The following HDAC5 variants were observed in gnomAD, a reference collection of about 807,000 sequenced individuals.
HDAC5 encodes antigen NY-CO-9.
Under a neutral mutation model 133.3 loss-of-function variants are expected in HDAC5, and 25 were observed. That is an observed-to-expected ratio of 0.19 (90% CI 0.14 to 0.26). The LOEUF (loss-of-function observed/expected upper bound fraction) is 0.26. HDAC5 is among the 10% of genes least tolerant of loss of function. The pLI is 1.00. For missense variants in HDAC5, 1,041 were observed against 1,460.5 expected (o/e 0.71, Z 4.68); for synonymous variants, 589 against 610.8 (o/e 0.96, Z 0.53).
chr17:44,115,496 C>G (rs536045225), intron 2 of HDAC5, among the ~76,000 whole-genome samples: 1 of 152,208 alleles, frequency 6.6e-6, no homozygotes, highest in East Asian at 1.9e-4. Context: ...CGCTGGGCAC[C>G]CCAGCCCTAG....
intron 3 of HDAC5, among the ~76,000 whole-genome samples, chr17:44,098,739 TAAA>T (rs374173029): frequency 8.1e-6 from 1 of 123,770 alleles, no homozygotes; most frequent in African/African-American, 3.1e-5. Flanking sequence ...AGACCCTATC[TAAA>T]AAAAAAAAAA....
At position 44,092,710 on chromosome 17, in the gene HDAC5, G is replaced by A. The variant is rs2051016723; in HGVS notation, c.738C>T (p.Tyr246=). Residue 246 remains tyrosine, a synonymous_variant, in exon 7 of 27, where the codon TAC becomes TAT. Transcript: ENST00000682912. ...GGAGGGGGAAGTCGTCTCGACTGTC[G>A]TAGGGCCCAGGCAAAGGCAGTTTGT... ...PSYKLPLPGP[Y]DSRDDFPLRK... 3.3e-6 allele frequency: 5 copies of A among 1,510,062 alleles called. No individual in the cohort carries two copies. The highest frequency in any genetic ancestry group is 2.3e-5 in the Admixed American group (1 of 44,048). 93.5% of individuals were successfully genotyped at this position (1,510,062 alleles called of 1,614,324 possible).
At chr17:44,116,482 G>A (rs1158167190) in intron 2 of HDAC5, among the ~76,000 whole-genome samples, 1 of 152,162 alleles carries the variant, frequency 6.6e-6, no homozygotes, top group Non-Finnish European at 1.5e-5. Context: ...ATTCCTCCCT[G>A]ATGCTGCTTC....
At chr17:44,091,968 A>G in intron 9 of HDAC5, 137 bp from the exon 10 acceptor site, 1 of 1,100,782 alleles carries the variant, frequency 9.1e-7, no homozygotes. Context: ...AGGGAGACTG[A>G]GCCATCAGGG....
chr17:44,108,540 C>A (rs1178540677), intron 3 of HDAC5, among the ~76,000 whole-genome samples: 1 of 152,032 alleles, frequency 6.6e-6, no homozygotes, highest in Non-Finnish European at 1.5e-5. Flanking sequence ...GCGCAACTCA[C>A]ACCATCCAAA....
In HDAC5 at chr17:44,080,825, A is replaced by G. The variant is rs2050354439; in HGVS notation, c.2665T>C (p.Tyr889His). The change falls in exon 21 of 27, where the codon TAC becomes CAC. Residue 889 changes from tyrosine to histidine, a missense_variant. Physicochemically the swap from Tyr to His is moderately conservative, Grantham distance 83. Around this residue, in one of 9 missense-constraint regions of HDAC5, gnomAD observed 174 missense variants for 352.7 expected, o/e 0.49. Transcript: ENST00000682912. ...TTGTCATAGCGATGCAGAGAGATGTAGAGCACAGAGGGGTCATTGTAGAAC... is the reference window on the plus strand; with the variant it reads ...TTGTCATAGCGATGCAGAGAGATGTGGAGCACAGAGGGGTCATTGTAGAAC... ...QAFYNDPSVL[Y>H]ISLHRYDNGN... 1 of 1,614,098 alleles carries G rather than the reference A, an allele frequency of 6.2e-7. No homozygotes were observed. The highest frequency in any genetic ancestry group is 1.7e-5 in the Admixed American group (1 of 60,012).
intron 3 of HDAC5, among the ~76,000 whole-genome samples, chr17:44,106,221 A>G (rs2051931301): frequency 6.6e-6 from 1 of 152,114 alleles, no homozygotes; most frequent in Non-Finnish European, 1.5e-5. Flanking sequence ...GGGACACAGG[A>G]GGTTGTATGG....
chr17:44,094,819 T>A (rs185030282), intron 3 of HDAC5, among the ~76,000 whole-genome samples: 1 of 151,928 alleles, frequency 6.6e-6, no homozygotes, highest in Admixed American at 6.6e-5. Context: ...TATATATATA[T>A]CAGAGACAAG....
intron 3 of HDAC5, among the ~76,000 whole-genome samples, chr17:44,107,333 G>T (rs1358192904): frequency 6.6e-6 from 1 of 152,218 alleles, no homozygotes; most frequent in East Asian, 1.9e-4. Context: ...CAAGGGCCGG[G>T]CGTGGTGGCT....
At chr17:44,116,682 A>G (rs2052666520) in intron 2 of HDAC5, among the ~76,000 whole-genome samples, 1 of 151,704 alleles carries the variant, frequency 6.6e-6, no homozygotes, top group African/African-American at 2.4e-5. Flanking sequence ...GACAGCCACT[A>G]CTCTGACCAC....
At chr17:44,116,002 C>G (rs972360933) in intron 2 of HDAC5, 1 of 152,258 alleles carries the variant, frequency 6.6e-6, no homozygotes, top group African/African-American at 2.4e-5. Context: ...AAAGGTAACC[C>G]AATAACTTCA....
chr17:44,112,705 G>T (rs931576857), intron 2 of HDAC5, among the ~76,000 whole-genome samples: 1 of 152,196 alleles, frequency 6.6e-6, no homozygotes, highest in Admixed American at 6.5e-5. Context: ...CCCTCAGGCT[G>T]GGAGTGGGAG....
chr17:44,089,516 G>A (rs1054120495), intron 11 of HDAC5, among the ~76,000 whole-genome samples: 4 of 151,942 alleles, frequency 2.6e-5, no homozygotes, highest in African/African-American at 7.3e-5. Flanking sequence ...AGGCCAAGGC[G>A]GGTGGACCAT....
Position 44,091,431 on chromosome 17 carries a change from T to C in HDAC5, c.1226A>G (p.Gln409Arg). The C allele has an allele frequency of 6.4e-7, 1 of 1,555,416 alleles. No individual in the cohort carries two copies. The highest frequency in any genetic ancestry group is 8.7e-7 in the Non-Finnish European group (1 of 1,150,850). ...GAACTTGCCGGTCAGCGTGCCACCC[T>C]GCCGCAGGGACTGGAGGGCCTGCCT... ...AERQALQSLR[Q>R]GGTLTGKFMS... The change falls in exon 11 of 27, where the codon CAG becomes CGG. Residue 409 changes from glutamine to arginine, a missense_variant. By Grantham distance (43) the Gln-to-Arg change is conservative. This residue lies in a region of HDAC5 where 433 missense variants were observed against 531.6 expected (regional missense o/e 0.81). Transcript: ENST00000682912.
intron 9 of HDAC5, 103 bp from the exon 10 acceptor site, chr17:44,091,934 T>G: frequency 1.5e-6 from 2 of 1,353,190 alleles, no homozygotes; most frequent in South Asian, 2.9e-5. Flanking sequence ...GGTGCCCAGT[T>G]CCCTCTACCC....
At chr17:44,122,739 C>T (rs570526170) in intron 1 of HDAC5, among the ~76,000 whole-genome samples, 5 of 152,018 alleles carry the variant, frequency 3.3e-5, no homozygotes, top group Admixed American at 3.3e-4. Context: ...GAAGCTGACT[C>T]CCCCCAAGTT....
intron 6 of HDAC5, 86 bp downstream of exon 6, chr17:44,093,006 C>T (rs542755114): frequency 3.0e-4 from 285 of 951,494 alleles, no homozygotes; most frequent in Non-Finnish European, 4.2e-4. Context: ...TATATGGGCA[C>T]GGGGAAGAAG....
intron 21 of HDAC5, 132 bp downstream of exon 21, chr17:44,080,631 G>C: frequency 6.8e-7 from 1 of 1,466,890 alleles, no homozygotes; most frequent in Non-Finnish European, 9.5e-7. Flanking sequence ...AGATCAGTGT[G>C]GTCCTCCCAC....
chr17:44,081,937 G>C (rs1051789748), intron 20 of HDAC5: 1 of 152,340 alleles, frequency 6.6e-6, no homozygotes, highest in Non-Finnish European at 1.5e-5. Flanking sequence ...TTTTAAGCCA[G>C]AATTGGGCTT....
Sources: allele counts gnomAD v4.1 joint callset (sites outside exome capture counted in the v4.1 genomes callset), GRCh38; gene constraint gnomAD v4.1.1; regional missense constraint gnomAD v4.1.1; transcripts MANE v1.5; gene names NCBI Gene and HGNC (gene_info 2026-07-23, HGNC 2026-07-21).